FBXO28: variants seen among roughly 807,000 people sequenced by gnomAD.
FBXO28 encodes F-box protein 28, also known as F-box only protein 28.
A neutral mutation model predicts 38.1 loss-of-function variants in FBXO28; 8 were observed. The ratio of observed to expected loss-of-function variants is 0.21; its 90% CI spans 0.12 to 0.38. The LOEUF (loss-of-function observed/expected upper bound fraction) is 0.38. Among genes scored for constraint, FBXO28 ranks in the 10% least tolerant of loss-of-function variants. The pLI is 1.00. For missense variants in FBXO28, 345 were observed against 460.6 expected (o/e 0.75, Z 2.30); for synonymous variants, 168 against 173.8 (o/e 0.97, Z 0.26).
At chr1:224,147,921 G>T (rs1009776122) in intron 3 of FBXO28, among the ~76,000 whole-genome samples, 8 of 150,920 alleles carry the variant, frequency 5.3e-5, no homozygotes, top group African/African-American at 2.0e-4. Context: ...TACCTCTAAA[G>T]CCATGGCAGC....
At chr1:224,127,532 TTATGTC>T (rs1656935000) in intron 1 of FBXO28, among the ~76,000 whole-genome samples, 1 of 152,240 alleles carries the variant, frequency 6.6e-6, no homozygotes, top group South Asian at 2.1e-4. Flanking sequence ...TGTATTGTGT[TTATGTC>T]TTTGTTTTTT....
chr1:224,115,076 C>T (rs557047111), intron 1 of FBXO28, among the ~76,000 whole-genome samples: 1 of 152,180 alleles, frequency 6.6e-6, no homozygotes, highest in African/African-American at 2.4e-5. Context: ...TACCCCTTGA[C>T]GGGTTTTTTC....
chr1:224,124,620 C>G (rs1467160197), intron 1 of FBXO28, among the ~76,000 whole-genome samples: 1 of 152,190 alleles, frequency 6.6e-6, no homozygotes, highest in Non-Finnish European at 1.5e-5. Context: ...CATACATTAT[C>G]AGCAGCTATC....
At chr1:224,124,464 T>A (rs779104262) in intron 1 of FBXO28, among the ~76,000 whole-genome samples, 1 of 152,224 alleles carries the variant, frequency 6.6e-6, no homozygotes, top group African/African-American at 2.4e-5. Flanking sequence ...TTTACTGTCT[T>A]GGGTAAATTG....
At chr1:224,129,709 G>A (rs1656991227) in intron 1 of FBXO28, among the ~76,000 whole-genome samples, 1 of 151,974 alleles carries the variant, frequency 6.6e-6, no homozygotes, top group Admixed American at 6.6e-5. Context: ...ATGGTGTGAG[G>A]CTGGGCACGG....
chr1:224,137,560 C>A (rs1394728142), intron 3 of FBXO28, among the ~76,000 whole-genome samples: 1 of 151,610 alleles, frequency 6.6e-6, no homozygotes, highest in African/African-American at 2.4e-5. Flanking sequence ...AGACAGAAAT[C>A]CACAAGAATG....
intron 3 of FBXO28, among the ~76,000 whole-genome samples, chr1:224,149,322 T>C (rs910369337): frequency 3.3e-5 from 5 of 149,644 alleles, no homozygotes; most frequent in Non-Finnish European, 7.4e-5. Context: ...CCTGGACTGA[T>C]CACAGCTCAT....
intron 3 of FBXO28, among the ~76,000 whole-genome samples, chr1:224,137,582 G>A (rs10737434): frequency 1 from 151,146 of 151,902 alleles, 75,221 homozygotes; most frequent in Middle Eastern, 1. Context: ...TGAGATTAGG[G>A]GAGAAGACAG....
chr1:224,144,338 A>G (rs558535399), intron 3 of FBXO28, among the ~76,000 whole-genome samples: 136 of 152,082 alleles, frequency 8.9e-4, no homozygotes, highest in Middle Eastern at 3.4e-3. Flanking sequence ...GCACACACCT[A>G]TGGTCACAGC....
chr1:224,137,615 A>C (rs1483470042), intron 3 of FBXO28, among the ~76,000 whole-genome samples: 1 of 151,912 alleles, frequency 6.6e-6, no homozygotes, highest in Non-Finnish European at 1.5e-5. Flanking sequence ...TTTGAAAGCT[A>C]TAAAGTAGAG....
At chr1:224,128,847 G>A (rs555561896) in intron 1 of FBXO28, among the ~76,000 whole-genome samples, 10 of 151,956 alleles carry the variant, frequency 6.6e-5, no homozygotes, top group East Asian at 1.9e-4. Flanking sequence ...TTAGCTGCGC[G>A]GGGTGGTGCA....
chr1:224,123,080 T>A (rs201661558), intron 1 of FBXO28, among the ~76,000 whole-genome samples: 1 of 150,716 alleles, frequency 6.6e-6, no homozygotes, highest in Non-Finnish European at 1.5e-5. Flanking sequence ...TTTCTCACTT[T>A]AAAAAAAAAG....
Position 224,153,291 on chromosome 1 carries a change from A to G in FBXO28, c.666A>G (p.Lys222=), listed in dbSNP as rs757814731. 6.2e-7 allele frequency: 1 copy of G among 1,611,044 alleles called. No individual in the cohort carries two copies. The highest frequency in any genetic ancestry group is 1.1e-5 in the South Asian group (1 of 89,946). The part of the protein sequence containing the change: ...DEKIVPILKR[K]LPGSDVSGRL... ...AGATTGTTCCAATTTTAAAGAGGAA[A>G]TTACCAGGATCAGATGTTTCTGGAA... is the stretch of plus-strand genomic sequence containing the variant. Residue 222 remains lysine, a synonymous_variant, in exon 4 of 5, where the codon AAA becomes AAG. Transcript: ENST00000366862.
chr1:224,145,981 G>GATCA, intron 3 of FBXO28, among the ~76,000 whole-genome samples: 2 of 151,538 alleles, frequency 1.3e-5, no homozygotes, highest in Non-Finnish European at 2.9e-5. Context: ...CAGGAGAACT[G>GATCA]CTTGTATCCG....
intron 1 of FBXO28, among the ~76,000 whole-genome samples, chr1:224,129,686 T>C (rs1656990826): frequency 6.6e-6 from 1 of 152,150 alleles, no homozygotes; most frequent in Non-Finnish European, 1.5e-5. Flanking sequence ...TAATGAGATA[T>C]TTCAGAAATT....
intron 3 of FBXO28, among the ~76,000 whole-genome samples, chr1:224,147,821 AT>A (rs1284461310): frequency 5.2e-5 from 3 of 57,718 alleles, no homozygotes; most frequent in African/African-American, 2.2e-4. Context: ...CGTTAATGTA[AT>A]TTGCAAAAAA....
chr1:224,125,876 A>G (rs1240014995), intron 1 of FBXO28, among the ~76,000 whole-genome samples: 2 of 151,808 alleles, frequency 1.3e-5, no homozygotes, highest in Non-Finnish European at 2.9e-5. Context: ...TGATCTGCCC[A>G]CCTCAGCCTC....
chr1:224,156,536 C>A (rs116779295), intron 4 of FBXO28, among the ~76,000 whole-genome samples: 5,841 of 152,158 alleles, frequency 0.038, 333 homozygotes, highest in African/African-American at 0.13. Flanking sequence ...AATCTCTTAT[C>A]CGCATACCCA....
Position 224,123,318 on chromosome 1 carries a change from T to C in FBXO28, c.268-7154T>C, listed in dbSNP as rs1656820236. On this transcript the variant is annotated intron_variant, in intron 1 of 4. Transcript: ENST00000366862. ...TAACACTTTGGGAGACCGAGGTGGG[T>C]GGATCACTTGAGCCCAGGAGGCTGA... 2.6e-5 allele frequency among the ~76,000 whole-genome samples: 4 copies of C among 151,502 alleles called. No homozygotes were observed. In the South Asian group the frequency reaches 8.3e-4, roughly 32 times the overall value.
Sources: gnomAD v4.1 joint callset for allele counts (sites outside exome capture counted in the v4.1 genomes callset) on GRCh38, gnomAD v4.1.1 for gene constraint, MANE v1.5 for transcripts, NCBI Gene and HGNC (gene_info 2026-07-23, HGNC 2026-07-21) for gene names.